Variants in ANO6 observed in about 807,000 individuals in gnomAD.
ANO6 encodes the protein anoctamin 6, also known as anoctamin-6.
Under a neutral mutation model 117.5 loss-of-function variants are expected in ANO6, and 106 were observed. The observed-to-expected ratio is 0.90, with a 90% CI of 0.77 to 1.06. The LOEUF (loss-of-function observed/expected upper bound fraction) is 1.06. Among genes scored for constraint, ANO6 ranks in the 50% least tolerant of loss-of-function variants. The pLI is 0.00. For synonymous variants in ANO6, 367 were observed against 385.1 expected (o/e 0.95, Z 0.55); for missense variants, 955 against 1,121.1 (o/e 0.85, Z 2.12).
At chr12:45,228,975 C>A (rs529644116) in intron 1 of ANO6, among the ~76,000 whole-genome samples, 3 of 152,228 alleles carry the variant, frequency 2.0e-5, no homozygotes, top group Admixed American at 1.3e-4. Context: ...TAATCTATAG[C>A]CACTTGGGTC....
At chr12:45,373,031 TG>T (rs1387099781) in intron 9 of ANO6, among the ~76,000 whole-genome samples, 1 of 151,672 alleles carries the variant, frequency 6.6e-6, no homozygotes, top group African/African-American at 2.4e-5. Flanking sequence ...ACCAAGCAAA[TG>T]GAAAACAGAA....
Position 45,429,665 on chromosome 12 carries a change from C to A in ANO6, c.*354C>A. 1 of 1,130,110 alleles carries A rather than the reference C, an allele frequency of 8.8e-7. No individual in the cohort carries two copies. The highest frequency in any genetic ancestry group is 1.1e-6 in the Non-Finnish European group (1 of 917,408). The allele number at this position is 1,130,110 out of a possible 1,614,324, so 70.0% of individuals were successfully genotyped here. On this transcript the variant is annotated 3_prime_UTR_variant, in exon 20 of 20. Coordinates refer to ENST00000320560, the MANE Select transcript of ANO6 (RefSeq NM_001025356.3). ...ATTTTCATTTCTGTCTATTCTCAGG[C>A]GCATGATCTCCTTTATTTTTAAGCC...
intron 1 of ANO6, among the ~76,000 whole-genome samples, chr12:45,235,562 T>TC (rs1276571746): frequency 5.3e-5 from 8 of 152,116 alleles, no homozygotes; most frequent in Non-Finnish European, 1.0e-4. Context: ...CCTAGTTGAG[T>TC]GGCATGACAT....
chr12:45,366,189 T>G (rs1458447654), intron 8 of ANO6, among the ~76,000 whole-genome samples: 1 of 152,012 alleles, frequency 6.6e-6, no homozygotes, highest in African/African-American at 2.4e-5. Context: ...GTCATTTTTA[T>G]GTCTGCAAAA....
intron 6 of ANO6, 32 bp downstream of exon 6, chr12:45,348,663 C>T: frequency 6.7e-7 from 1 of 1,495,918 alleles, no homozygotes; most frequent in Non-Finnish European, 9.3e-7. Context: ...AACTAAAAGG[C>T]CTTCTGTATA....
At chr12:45,245,036 G>A (rs1947803795) in intron 1 of ANO6, among the ~76,000 whole-genome samples, 1 of 152,156 alleles carries the variant, frequency 6.6e-6, no homozygotes, top group Non-Finnish European at 1.5e-5. Flanking sequence ...GAGTGGCAGT[G>A]GTAGTTTCTC....
chr12:45,244,859 C>G (rs1298147768), intron 1 of ANO6, among the ~76,000 whole-genome samples: 1 of 152,130 alleles, frequency 6.6e-6, no homozygotes, highest in Non-Finnish European at 1.5e-5. Context: ...CTTTTGACTT[C>G]CTATTAGGAA....
chr12:45,301,930 C>T (rs1051530587), intron 1 of ANO6, 84 bp from the exon 2 acceptor site: 17 of 1,117,180 alleles, frequency 1.5e-5, no homozygotes, highest in East Asian at 4.7e-5. Flanking sequence ...GTTAATAACC[C>T]GGTGCTGCTG....
At chr12:45,302,148 C>G (rs1258649479) in intron 2 of ANO6, 55 bp downstream of exon 2, 6 of 1,528,956 alleles carry the variant, frequency 3.9e-6, no homozygotes, top group Admixed American at 1.7e-5. Flanking sequence ...AGATTTTTCA[C>G]AAAATGAGAA....
chr12:45,255,037 GAATT>G (rs1937761605), intron 1 of ANO6, among the ~76,000 whole-genome samples: 1 of 152,248 alleles, frequency 6.6e-6, no homozygotes, highest in South Asian at 2.1e-4. Context: ...AATGCTAAAA[GAATT>G]AAGTTACCAT....
intron 11 of ANO6, among the ~76,000 whole-genome samples, chr12:45,389,512 G>C (rs1191454493): frequency 6.6e-6 from 1 of 152,232 alleles, no homozygotes; most frequent in African/African-American, 2.4e-5. Context: ...AAAATTGCCA[G>C]CTTATAAGTT....
intron 1 of ANO6, among the ~76,000 whole-genome samples, chr12:45,288,920 G>A (rs899078197): frequency 4.0e-5 from 6 of 151,064 alleles, no homozygotes; most frequent in Non-Finnish European, 7.4e-5. Context: ...GCTAATTTTT[G>A]TATTTTTTTT....
rs1286475385 is a variant in ANO6 at position 45,430,793 on chromosome 12, CT to C, written c.*1483del. 1.0e-6 allele frequency: 1 copy of C among 985,282 alleles called. No homozygotes were observed. The highest frequency in any genetic ancestry group is 1.2e-6 in the Non-Finnish European group (1 of 830,000). 61.0% of individuals were successfully genotyped at this position (985,282 alleles called of 1,614,324 possible). ...TATTGCCTTGTAAGTGTCAGGCCTCCTGGGCGCTCTGGAAAAGACAGGGAGC... is the reference window on the plus strand; with the variant it reads ...TATTGCCTTGTAAGTGTCAGGCCTCCGGGCGCTCTGGAAAAGACAGGGAGC... On this transcript the variant is annotated 3_prime_UTR_variant, in exon 20 of 20. Transcript: ENST00000320560.
chr12:45,298,872 A>G (rs2137298259), intron 1 of ANO6, among the ~76,000 whole-genome samples: 1 of 152,264 alleles, frequency 6.6e-6, no homozygotes, highest in East Asian at 1.9e-4. Flanking sequence ...GAAAAAAATC[A>G]ACTTTAGCAG....
At position 45,429,594 on chromosome 12, in the gene ANO6, A is replaced by T; in HGVS notation, c.*283A>T. ...AAAAAGTCCCTCAGTGTGCTTAAAA[A>T]CCACCCCTTCTAAAGTAGAATGGAT... On this transcript the variant is annotated 3_prime_UTR_variant, in exon 20 of 20. Transcript: ENST00000320560. The T allele has an allele frequency of 8.2e-7, 1 of 1,217,824 alleles. No individual in the cohort carries two copies. Among genetic ancestry groups the T allele is most frequent in the Admixed American group, 4.0e-5 (1 of 24,780 alleles). The allele number at this position is 1,217,824 out of a possible 1,614,324, so 75.4% of individuals were successfully genotyped here.
intron 1 of ANO6, among the ~76,000 whole-genome samples, chr12:45,300,885 T>C (rs1490805967): frequency 6.6e-6 from 1 of 152,254 alleles, no homozygotes; most frequent in Non-Finnish European, 1.5e-5. Flanking sequence ...TGCAAATGAT[T>C]GTTTTGTTAA....
chr12:45,408,887 C>G (rs1310555949), intron 15 of ANO6, among the ~76,000 whole-genome samples: 1 of 152,136 alleles, frequency 6.6e-6, no homozygotes, highest in Non-Finnish European at 1.5e-5. Flanking sequence ...TATTCAACAT[C>G]ATTCTGAAGG....
At chr12:45,392,026 G>A (rs1330328651) in intron 12 of ANO6, among the ~76,000 whole-genome samples, 1 of 152,206 alleles carries the variant, frequency 6.6e-6, no homozygotes, top group African/African-American at 2.4e-5. Flanking sequence ...CCCACAGAGG[G>A]CGAGCTGAAG....
At chr12:45,327,838 G>GA (rs561519332) in intron 2 of ANO6, among the ~76,000 whole-genome samples, 11 of 151,162 alleles carry the variant, frequency 7.3e-5, no homozygotes, top group East Asian at 3.9e-4. Flanking sequence ...TATTTTATCA[G>GA]AAAAAAAAAT....
Sources: allele counts gnomAD v4.1 joint callset (sites outside exome capture counted in the v4.1 genomes callset), GRCh38; gene constraint gnomAD v4.1.1; transcripts MANE v1.5; gene names NCBI Gene and HGNC (gene_info 2026-07-23, HGNC 2026-07-21).